The following LRP1B variants were observed in gnomAD, a reference collection of about 807,000 sequenced individuals.
LRP1B encodes the protein LDL receptor related protein 1B, also known as low-density lipoprotein receptor-related protein 1B.
In LRP1B, 217 loss-of-function variants were observed where a neutral mutation model predicts 556.6. The ratio of observed to expected loss-of-function variants is 0.39; its 90% confidence interval spans 0.35 to 0.44. The LOEUF (loss-of-function observed/expected upper bound fraction) is 0.44. Ranked by LOEUF, LRP1B falls within the 20% of genes least tolerant of loss-of-function variation. LRP1B has a pLI of 1.00. For missense variants in LRP1B, 5,053 were observed against 5,620.8 expected (o/e 0.90, Z 3.23); for synonymous variants, 2,047 against 1,865.8 (o/e 1.10, Z -2.50).
At chr2:141,061,504 TA>T (rs1180743079) in intron 8 of LRP1B, among the ~76,000 whole-genome samples, 1 of 151,800 alleles carries the variant, frequency 6.6e-6, no homozygotes, top group Non-Finnish European at 1.5e-5. Context: ...TTCAGCAAAG[TA>T]AAAAGTAACA....
intron 1 of LRP1B, among the ~76,000 whole-genome samples, chr2:142,057,361 C>G (rs1704714283): frequency 1.3e-5 from 2 of 152,060 alleles, no homozygotes; most frequent in Non-Finnish European, 2.9e-5. Context: ...TCTCAGTGAC[C>G]TAAAAAATCC....
At chr2:140,820,952 C>A (rs1296890642) in intron 31 of LRP1B, among the ~76,000 whole-genome samples, 1 of 150,062 alleles carries the variant, frequency 6.7e-6, no homozygotes, top group East Asian at 1.9e-4. Flanking sequence ...GATCCTGTAG[C>A]AATTTCAAAA....
intron 1 of LRP1B, among the ~76,000 whole-genome samples, chr2:142,095,269 C>T (rs772126875): frequency 6.0e-5 from 9 of 151,236 alleles, no homozygotes; most frequent in Middle Eastern, 6.9e-3. Context: ...TATTATACTA[C>T]GGTATACTCT....
At chr2:140,386,035 C>A (rs1392290651) in intron 66 of LRP1B, 26 bp from the exon 67 acceptor site, 3 of 1,424,742 alleles carry the variant, frequency 2.1e-6, no homozygotes. Context: ...CCAGAGTTTG[C>A]ATTGTAGATT....
chr2:140,269,082 C>A (rs953858413), intron 86 of LRP1B, among the ~76,000 whole-genome samples: 2 of 151,962 alleles, frequency 1.3e-5, no homozygotes, highest in African/African-American at 2.4e-5. Flanking sequence ...TCTGGACACT[C>A]TAGCAGTCTG....
chr2:141,122,160 C>A (rs914757156), intron 7 of LRP1B, among the ~76,000 whole-genome samples: 4 of 152,050 alleles, frequency 2.6e-5, no homozygotes, highest in African/African-American at 9.7e-5. Context: ...AGACGAAAAC[C>A]TAGGCAATAG....
chr2:141,829,802 T>C (rs1160681964), intron 1 of LRP1B, among the ~76,000 whole-genome samples: 4 of 152,044 alleles, frequency 2.6e-5, no homozygotes, highest in Non-Finnish European at 5.9e-5. Context: ...AAATACCTTT[T>C]ATAAGATTAT....
intron 1 of LRP1B, among the ~76,000 whole-genome samples, chr2:142,065,092 G>A (rs529130146): frequency 4.0e-5 from 6 of 151,540 alleles, no homozygotes; most frequent in African/African-American, 4.8e-5. Flanking sequence ...GTCTGTGGTA[G>A]AGTTTCATTA....
At chr2:140,691,642 T>C (rs1444595926) in intron 41 of LRP1B, among the ~76,000 whole-genome samples, 1 of 152,162 alleles carries the variant, frequency 6.6e-6, no homozygotes, top group Admixed American at 6.5e-5. Context: ...AGCTGGAGAT[T>C]AAACAAAAGT....
chr2:140,819,911 T>C (rs538337231), intron 31 of LRP1B, among the ~76,000 whole-genome samples: 1 of 152,294 alleles, frequency 6.6e-6, no homozygotes, highest in East Asian at 1.9e-4. Flanking sequence ...AGCACACTAA[T>C]GCAATATGAC....
intron 1 of LRP1B, among the ~76,000 whole-genome samples, chr2:142,077,864 G>A (rs1705563403): frequency 6.6e-6 from 1 of 152,038 alleles, no homozygotes; most frequent in Non-Finnish European, 1.5e-5. Context: ...TAGTTTAATG[G>A]TGAAACTAAA....
chr2:142,072,196 A>G (rs1705341743), intron 1 of LRP1B, among the ~76,000 whole-genome samples: 1 of 151,822 alleles, frequency 6.6e-6, no homozygotes, highest in South Asian at 2.1e-4. Flanking sequence ...TGTCTCATCC[A>G]CTTTATTCCC....
intron 62 of LRP1B, among the ~76,000 whole-genome samples, chr2:140,455,959 G>GA (rs1687092045): frequency 6.6e-6 from 1 of 152,236 alleles, no homozygotes; most frequent in Middle Eastern, 3.4e-3. Context: ...TAACTCCTGG[G>GA]ATATCTTCAA....
intron 43 of LRP1B, 105 bp downstream of exon 43, chr2:140,598,526 C>T (rs987149285): frequency 7.1e-5 from 56 of 787,180 alleles, no homozygotes; most frequent in Non-Finnish European, 1.0e-4. Flanking sequence ...AATCAACTGG[C>T]TATTTTGAAA....
intron 3 of LRP1B, among the ~76,000 whole-genome samples, chr2:141,331,047 C>T (rs1169450775): frequency 6.6e-6 from 1 of 152,132 alleles, no homozygotes; most frequent in African/African-American, 2.4e-5. Flanking sequence ...CGTGACAAAC[C>T]CTATAGTAAG....
chr2:141,497,779 A>C (rs1013938669), intron 2 of LRP1B, among the ~76,000 whole-genome samples: 3 of 152,048 alleles, frequency 2.0e-5, no homozygotes, highest in Non-Finnish European at 4.4e-5. Flanking sequence ...AAGTTGATAA[A>C]TGCAGAGTTT....
intron 2 of LRP1B, among the ~76,000 whole-genome samples, chr2:141,794,934 T>TA (rs1290860997): frequency 1.3e-5 from 2 of 152,092 alleles, no homozygotes; most frequent in African/African-American, 2.4e-5. Context: ...AGCTTGGAAA[T>TA]ATTCTCTTTA....
At chr2:141,461,238 G>A (rs933379311) in intron 3 of LRP1B, among the ~76,000 whole-genome samples, 4 of 152,098 alleles carry the variant, frequency 2.6e-5, no homozygotes, top group Non-Finnish European at 2.9e-5. Flanking sequence ...GTGGTTTCCC[G>A]AAAGGCAAGT....
At chr2:142,041,094 A>AT (rs1309908491) in intron 1 of LRP1B, among the ~76,000 whole-genome samples, 1 of 151,494 alleles carries the variant, frequency 6.6e-6, no homozygotes, top group Admixed American at 6.6e-5. Flanking sequence ...TGTAAATATT[A>AT]TGGAACCAGT....
Sources: allele counts gnomAD v4.1 joint callset (sites outside exome capture counted in the v4.1 genomes callset), GRCh38; gene constraint gnomAD v4.1.1; transcripts MANE v1.5; gene names NCBI Gene and HGNC (gene_info 2026-07-23, HGNC 2026-07-21).